Variants in PHF21B observed in about 807,000 individuals in gnomAD.
PHF21B encodes PHD finger protein 4.
PHF21B carries 22 observed loss-of-function variants against 62.2 expected under a neutral mutation model. That is an observed-to-expected ratio of 0.35 (90% CI 0.25 to 0.51). PHF21B has a LOEUF of 0.51. Ranked by LOEUF, PHF21B falls within the 20% of genes least tolerant of loss-of-function variation. The pLI, the probability that PHF21B is intolerant of heterozygous loss-of-function variation, is 0.97. For synonymous variants in PHF21B, 341 were observed against 314.7 expected, an observed-to-expected ratio of 1.08 and a Z score of -0.88; for missense variants, 701 against 707.9, an observed-to-expected ratio of 0.99 and a Z score of 0.11.
intron 2 of PHF21B, among the ~76,000 whole-genome samples, chr22:45,004,333 G>A (rs979705934): frequency 8.5e-5 from 13 of 152,072 alleles, no homozygotes; most frequent in Non-Finnish European, 8.8e-5. Context: ...GTGGGTGGGC[G>A]CAGGGCGATG....
chr22:44,984,293 T>TCATCAC (rs1569273535), intron 2 of PHF21B, among the ~76,000 whole-genome samples: 162 of 147,540 alleles, frequency 1.1e-3, no homozygotes, highest in African/African-American at 3.7e-3. Context: ...ACCATCATCA[T>TCATCAC]CATCATCACC....
chr22:44,883,102 G>A lies in PHF21B; in HGVS notation c.1580C>T (p.Pro527Leu). The change falls in exon 13 of 13, where the codon CCC becomes CTC. Residue 527 changes from proline to leucine, a missense_variant. Pro to Leu is a moderately conservative substitution (Grantham distance 98). Transcript: ENST00000313237. ...VAATHPTVQHPQGHN is the reference protein window; with the variant it reads ...VAATHPTVQHLQGHN The stretch of plus-strand genomic sequence containing the variant: ...CCCTCGGGGTCAGTTGTGGCCCTGG[G>A]GGTGCTGGACGGTGGGGTGTGTGGC... 1 of 1,611,326 alleles carries A rather than the reference G, an allele frequency of 6.2e-7. No individual in the cohort carries two copies. The highest frequency in any genetic ancestry group is 1.3e-5 in the African/African-American group (1 of 75,026).
chr22:45,009,726 G>T lies in PHF21B; in HGVS notation c.-177C>A. ...AGGGGGCTGGCGAAGGGGAAGACAG[G>T]CTTCCGGGCGCCGCGGCGCCGAGCC... On this transcript the variant is annotated 5_prime_UTR_variant, in exon 1 of 13. Coordinates refer to ENST00000313237, the MANE Select transcript of PHF21B (RefSeq NM_138415.5). This position sits in a 1 kb window ranked among gnomAD's most constrained non-coding sequence, Gnocchi z 5.9. 1 of 527,448 alleles carries T rather than the reference G, an allele frequency of 1.9e-6. No homozygotes were observed. Among genetic ancestry groups the T allele is most frequent in the South Asian group, 2.9e-5 (1 of 34,104 alleles). The allele number at this position is 527,448 out of a possible 1,614,324, so 32.7% of individuals were successfully genotyped here.
At chr22:44,965,188 C>T (rs919520864) in intron 2 of PHF21B, among the ~76,000 whole-genome samples, 5 of 152,126 alleles carry the variant, frequency 3.3e-5, no homozygotes, top group African/African-American at 1.2e-4. Flanking sequence ...CTGTCCAGGG[C>T]AGCTGCCAGG....
chr22:44,984,018 C>T (rs1164254688), intron 2 of PHF21B, among the ~76,000 whole-genome samples: 2 of 150,816 alleles, frequency 1.3e-5, no homozygotes, highest in Non-Finnish European at 3.0e-5. Context: ...TGACAGCCAC[C>T]GCCATCATCA....
At chr22:44,962,125 C>T (rs926552229) in intron 2 of PHF21B, among the ~76,000 whole-genome samples, 1 of 152,036 alleles carries the variant, frequency 6.6e-6, no homozygotes, top group Non-Finnish European at 1.5e-5. Flanking sequence ...CCAATATATA[C>T]CCAGTTAATG....
intron 2 of PHF21B, among the ~76,000 whole-genome samples, chr22:44,994,212 G>C (rs1417262799): frequency 6.6e-6 from 1 of 152,248 alleles, no homozygotes; most frequent in Non-Finnish European, 1.5e-5. Flanking sequence ...GATCCTTCTA[G>C]AACCTTGGAA....
chr22:44,913,088 A>T (rs1166310532), intron 5 of PHF21B, among the ~76,000 whole-genome samples: 2 of 152,112 alleles, frequency 1.3e-5, no homozygotes, highest in Non-Finnish European at 1.5e-5. Context: ...CCATCAGTGC[A>T]GGGGCTGCGC....
intron 3 of PHF21B, among the ~76,000 whole-genome samples, chr22:44,918,271 C>T (rs1482090492): frequency 1.3e-5 from 2 of 152,232 alleles, no homozygotes; most frequent in Admixed American, 6.5e-5. Context: ...GTGGCCGTTC[C>T]GTGTTCTGGT....
Position 44,882,807 on chromosome 22 carries a change from A to T in PHF21B, c.*279T>A. On this transcript the variant is annotated 3_prime_UTR_variant, in exon 13 of 13. Coordinates refer to ENST00000313237, the MANE Select transcript of PHF21B (RefSeq NM_138415.5). ...AGCAGGGCCTGGAAGCCAGAGGCCC[A>T]GGCAGCCCCGAGGTGGCCGGGGGGA... 2 of 384,394 alleles carry T rather than the reference A, an allele frequency of 5.2e-6. No individual in the cohort carries two copies. The highest frequency in any genetic ancestry group is 9.4e-6 in the Non-Finnish European group (2 of 212,286). The allele number at this position is 384,394 out of a possible 1,614,324, so 23.8% of individuals were successfully genotyped here.
At chr22:44,904,588 T>G (rs1288807588) in intron 5 of PHF21B, among the ~76,000 whole-genome samples, 1 of 140,108 alleles carries the variant, frequency 7.1e-6, no homozygotes, top group Non-Finnish European at 1.5e-5. Context: ...AGAATTTTTT[T>G]CTTCATTTTG....
At chr22:44,989,196 G>C (rs892378423) in intron 2 of PHF21B, 4 of 152,244 alleles carry the variant, frequency 2.6e-5, no homozygotes, top group African/African-American at 9.7e-5. Context: ...AGCCTGGTCA[G>C]GAGACCTCAG....
chr22:44,887,743 A>T (rs1428644188), intron 10 of PHF21B, among the ~76,000 whole-genome samples: 1 of 142,048 alleles, frequency 7.0e-6, no homozygotes, highest in Non-Finnish European at 1.5e-5. Flanking sequence ...CAACAGAACG[A>T]GACTCTGTCT....
intron 8 of PHF21B, among the ~76,000 whole-genome samples, chr22:44,890,422 G>A (rs901959643): frequency 1.3e-5 from 2 of 152,236 alleles, no homozygotes; most frequent in East Asian, 1.9e-4. Context: ...GCCACCCAGC[G>A]GGAGAACAGT....
Position 45,008,530 on chromosome 22 carries a change from G to C in PHF21B, c.120+15C>G. 1 of 1,563,900 alleles carries C rather than the reference G, an allele frequency of 6.4e-7. No individual in the cohort carries two copies. Among genetic ancestry groups the C allele is most frequent in the South Asian group, 1.2e-5 (1 of 84,986 alleles). On this transcript the variant is annotated intron_variant, in intron 2 of 12. Transcript: ENST00000313237. ...CCCGCCCCATCCCAGGGGGGGCCGC[G>C]ATCCCATCGCTTACTTGTTTGTCGC... is the stretch of plus-strand genomic sequence containing the variant.
At position 44,883,070 on chromosome 22, in the gene PHF21B, G is replaced by T; in HGVS notation, c.*16C>A. The T allele has an allele frequency of 6.2e-7, 1 of 1,601,564 alleles. No homozygotes were observed. On this transcript the variant is annotated 3_prime_UTR_variant, in exon 13 of 13. Transcript: ENST00000313237. ...CCCAATAACTTTCCGTGGGTATGAA[G>T]ACTGGTCCCTCGGGGTCAGTTGTGG...
At chr22:44,956,915 G>A (rs866264552) in intron 2 of PHF21B, among the ~76,000 whole-genome samples, 2 of 152,188 alleles carry the variant, frequency 1.3e-5, no homozygotes, top group South Asian at 2.1e-4. Flanking sequence ...GGAGCCAACC[G>A]AGTGAAGAGA....
Position 44,916,595 on chromosome 22 carries a change from G to A in PHF21B, c.249C>T (p.Pro83=), listed in dbSNP as rs771966613. 2.3e-5 allele frequency: 37 copies of A among 1,603,938 alleles called. No homozygotes were observed. The highest frequency in any genetic ancestry group is 1.6e-4 in the Middle Eastern group (1 of 6,076). The part of the protein sequence containing the change: ...RPKTLIPDSL[P]VAPGRDRPPK... ...GTGGCCGGTCCCGGCCCGGGGCAACGGGGAGGCTGTCTGGAATCAGAGTCT... is the reference window on the plus strand; with the variant it reads ...GTGGCCGGTCCCGGCCCGGGGCAACAGGGAGGCTGTCTGGAATCAGAGTCT... Residue 83 remains proline (P), a synonymous_variant, in exon 4 of 13, where the codon CCC becomes CCT. Coordinates refer to ENST00000313237, the MANE Select transcript of PHF21B (RefSeq NM_138415.5).
chr22:44,967,377 C>G (rs1007314977), intron 2 of PHF21B, among the ~76,000 whole-genome samples: 1 of 151,942 alleles, frequency 6.6e-6, no homozygotes, highest in Non-Finnish European at 1.5e-5. Context: ...CCCATCACCA[C>G]ACCTGGCTAA....
Sources: allele counts gnomAD v4.1 joint callset (sites outside exome capture counted in the v4.1 genomes callset), GRCh38; gene constraint gnomAD v4.1.1; non-coding constraint Gnocchi (gnomAD v3.1); transcripts MANE v1.5; gene names NCBI Gene and HGNC (gene_info 2026-07-23, HGNC 2026-07-21).